SYCP1: variants seen among roughly 807,000 people sequenced by gnomAD.
SYCP1 encodes synaptonemal complex protein 1, also known as cancer/testis antigen 8.
In SYCP1, 64 loss-of-function variants were observed where a neutral mutation model predicts 153.1. The ratio of observed to expected loss-of-function variants is 0.42; its 90% CI spans 0.34 to 0.51. The LOEUF (loss-of-function observed/expected upper bound fraction) is 0.51, where lower values mean the gene tolerates loss of function less well. Ranked by LOEUF, SYCP1 falls within the 20% of genes least tolerant of loss-of-function variation. The probability of loss-of-function intolerance (pLI) is 0.06; values close to 1 mark genes in which losing one functional copy is unlikely to be tolerated. For missense variants in SYCP1, 997 were observed against 1,049.0 expected, an observed-to-expected ratio of 0.95 and a Z score of 0.68; for synonymous variants, 384 against 341.8, an observed-to-expected ratio of 1.12 and a Z score of -1.36.
intron 13 of SYCP1, 82 bp downstream of exon 13, chr1:114,885,711 T>C: frequency 1.3e-6 from 1 of 790,948 alleles, no homozygotes; most frequent in Non-Finnish European, 2.0e-6. Context: ...ACTAATACAA[T>C]GTACAAGGAC....
Position 114,921,306 on chromosome 1 carries a change from T to C in SYCP1, c.1719-2143T>C, listed in dbSNP as rs528675260. Among the ~76,000 whole-genome samples, 191 of 152,226 alleles carry C rather than the reference T, an allele frequency of 1.3e-3. 2 individuals are homozygous for C. The highest frequency in any genetic ancestry group is 4.4e-3 in the African/African-American group (182 of 41,558). On this transcript the variant is annotated intron_variant, in intron 20 of 31. Coordinates refer to ENST00000369522, the MANE Select transcript of SYCP1 (RefSeq NM_003176.4). ...CCCTGGTTTTAAACTTTTTGTTGTT[T>C]TTATTTATATTTTATTATTGTGTTT...
At chr1:114,965,706 G>A (rs764734762) in intron 27 of SYCP1, among the ~76,000 whole-genome samples, 11 of 150,152 alleles carry the variant, frequency 7.3e-5, no homozygotes, top group Non-Finnish European at 1.2e-4. Flanking sequence ...GGAATTGATC[G>A]CGGTGGATAA....
chr1:114,992,324 G>T (rs1362334530), intron 30 of SYCP1, among the ~76,000 whole-genome samples: 1 of 151,576 alleles, frequency 6.6e-6, no homozygotes, highest in Non-Finnish European at 1.5e-5. Context: ...ATTGCAAAGG[G>T]CCCCAAAAGG....
chr1:114,944,420 G>A lies in SYCP1; in HGVS notation c.2008G>A (p.Asp670Asn). The A allele has an allele frequency of 1.2e-6, 2 of 1,603,028 alleles. No individual in the cohort carries two copies. The highest frequency in any genetic ancestry group is 2.2e-5 in the South Asian group (2 of 89,070). ...AGACACCTATCAGAAAGAAATTGAG[G>A]ACAAAAAGATATCAGAAGAAAATCT... ...ITDTYQKEIE[D>N]KKISEENLLE... The change falls in exon 24 of 32, where the codon GAC becomes AAC. Residue 670 changes from aspartate (D) to asparagine (N), a missense_variant. By Grantham distance (23) the Asp-to-Asn change is conservative (BLOSUM62 1). Transcript: ENST00000369522.
chr1:114,923,591 A>G, intron 21 of SYCP1, 61 bp downstream of exon 21: 1 of 1,434,382 alleles, frequency 7.0e-7, no homozygotes, highest in Non-Finnish European at 9.4e-7. Context: ...GCAACACCAT[A>G]TGTCTAAACT....
Position 114,946,337 on chromosome 1 carries a change from T to C in SYCP1, c.2203T>C (p.Tyr735His). 2 of 1,587,812 alleles carry C rather than the reference T, an allele frequency of 1.3e-6. No homozygotes were observed. The highest frequency in any genetic ancestry group is 1.1e-5 in the South Asian group (1 of 87,202). ...IEERDSELGL[Y>H]KSKEQEQSSL... is the part of the protein sequence containing the mutation. ...AGAAAGAGACTCAGAATTAGGACTT[T>C]ATAAGAGCAAAGAACAAGAACAGTC... is the stretch of plus-strand genomic sequence containing the variant. The change falls in exon 26 of 32, where the codon TAT becomes CAT. Residue 735 changes from tyrosine to histidine, a missense_variant. By Grantham distance (83) the Tyr-to-His change is moderately conservative. Coordinates refer to ENST00000369522, the MANE Select transcript of SYCP1 (RefSeq NM_003176.4).
intron 16 of SYCP1, among the ~76,000 whole-genome samples, chr1:114,909,863 T>C (rs1668067307): frequency 6.6e-6 from 1 of 152,230 alleles, no homozygotes; most frequent in Non-Finnish European, 1.5e-5. Context: ...GTCTCATTAC[T>C]GGCTTTCTTG....
At chr1:114,917,380 T>A (rs1054114960) in intron 20 of SYCP1, among the ~76,000 whole-genome samples, 2 of 152,206 alleles carry the variant, frequency 1.3e-5, no homozygotes, top group Non-Finnish European at 2.9e-5. Context: ...ATTTTTGTTA[T>A]CCATTCACCT....
chr1:114,885,735 T>C (rs1190296969), intron 13 of SYCP1, 106 bp downstream of exon 13: 2 of 649,206 alleles, frequency 3.1e-6, no homozygotes, highest in Non-Finnish European at 5.0e-6. Flanking sequence ...GAGTTTCAAA[T>C]AGTTAGAGAA....
Position 114,963,963 on chromosome 1 carries a change from T to C in SYCP1, c.2323-13594T>C, listed in dbSNP as rs183446704. On this transcript the variant is annotated intron_variant, in intron 27 of 31. Coordinates refer to ENST00000369522, the MANE Select transcript of SYCP1 (RefSeq NM_003176.4). ...GGAATCACCACACTGTCTTCCACAATGGTTGAACTAATTTACACTCCCACC... is the reference window on the plus strand; with the variant it reads ...GGAATCACCACACTGTCTTCCACAACGGTTGAACTAATTTACACTCCCACC... Among the ~76,000 whole-genome samples the C allele has an allele frequency of 3.9e-4, 59 of 152,322 alleles. No homozygotes were observed. The East Asian group carries it at 4.2e-3, about 11-fold the overall frequency.
intron 6 of SYCP1, 162 bp from the exon 7 acceptor site, chr1:114,859,581 G>A (rs1361458505): frequency 3.6e-6 from 1 of 280,604 alleles, no homozygotes; most frequent in Non-Finnish European, 6.5e-6. Context: ...TATTCTTAAG[G>A]GAAATCATAA....
intron 7 of SYCP1, among the ~76,000 whole-genome samples, chr1:114,860,512 A>G (rs1200248224): frequency 1.3e-5 from 2 of 152,090 alleles, no homozygotes; most frequent in Non-Finnish European, 2.9e-5. Context: ...CAGTTACTAG[A>G]ACTTTTACTT....
In SYCP1 at chr1:114,911,597, T is replaced by G; in HGVS notation, c.1529+15T>G. ...GAAAACGAGAAGTATGTTTTCCATT[T>G]ATCTAAAAATAGTTTATGTACTCAA... is the stretch of plus-strand genomic sequence containing the variant. On this transcript the variant is annotated intron_variant, in intron 18 of 31. Transcript: ENST00000369522. The G allele has an allele frequency of 7.1e-7, 1 of 1,407,842 alleles. No homozygotes were observed. The highest frequency in any genetic ancestry group is 9.4e-7 in the Non-Finnish European group (1 of 1,059,950). 87.2% of individuals were successfully genotyped at this position (1,407,842 alleles called of 1,614,324 possible).
chr1:114,978,240 G>A (rs146833770), intron 28 of SYCP1, among the ~76,000 whole-genome samples: 170 of 151,706 alleles, frequency 1.1e-3, no homozygotes, highest in African/African-American at 3.8e-3. Flanking sequence ...AGCTTGACTA[G>A]CATAGGTCTA....
chr1:114,905,900 AT>A (rs1454736544), intron 16 of SYCP1, among the ~76,000 whole-genome samples: 2 of 152,232 alleles, frequency 1.3e-5, no homozygotes, highest in East Asian at 3.9e-4. Context: ...CCTTTTAAAT[AT>A]CTGTACAGTC....
intron 20 of SYCP1, among the ~76,000 whole-genome samples, chr1:114,914,511 G>T (rs1044585207): frequency 6.6e-6 from 1 of 151,884 alleles, no homozygotes; most frequent in Non-Finnish European, 1.5e-5. Context: ...TTAGTTGAAG[G>T]TCTTACATCT....
intron 8 of SYCP1, among the ~76,000 whole-genome samples, chr1:114,868,563 T>A (rs201076888): frequency 1.3e-5 from 2 of 152,238 alleles, no homozygotes. Context: ...GGTTTTGGTA[T>A]TAGGGTACTG....
chr1:114,902,662 T>G (rs1026813176), intron 16 of SYCP1, among the ~76,000 whole-genome samples: 1 of 150,424 alleles, frequency 6.6e-6, no homozygotes, highest in African/African-American at 2.5e-5. Flanking sequence ...TACTTGGCCG[T>G]CTCATTATAT....
rs756386710 is a variant in SYCP1, at chr1:114,858,694, G to A, written c.439G>A (p.Ala147Thr). The A allele has an allele frequency of 6.2e-6, 10 of 1,610,366 alleles. No homozygotes were observed. The highest frequency in any genetic ancestry group is 1.7e-5 in the Admixed American group (1 of 59,100). The change falls in exon 6 of 32, where the codon GCC becomes ACC. Residue 147 changes from alanine (A) to threonine (T), a missense_variant. Ala to Thr is a moderately conservative substitution (Grantham distance 58). This residue lies in a region of SYCP1 where 285 missense variants were observed against 366.1 expected (regional missense o/e 0.78). Coordinates refer to ENST00000369522, the MANE Select transcript of SYCP1 (RefSeq NM_003176.4). ...NRKIIEAQRK[A>T]IQELQFGNEK... ...AAAGATAATTGAAGCACAGCGAAAA[G>A]CCATTCAGGAACTGCAAGTATGACA...
Sources: gnomAD v4.1 joint callset for allele counts (sites outside exome capture counted in the v4.1 genomes callset) on GRCh38, gnomAD v4.1.1 for gene constraint, gnomAD v4.1.1 regional missense constraint, MANE v1.5 for transcripts, NCBI Gene and HGNC (gene_info 2026-07-23, HGNC 2026-07-21) for gene names.